The following MATR3 variants were observed in gnomAD, a reference collection of about 807,000 sequenced individuals.
The protein encoded by MATR3 is matrin-3.
A neutral mutation model predicts 85.5 loss-of-function variants in MATR3; 4 were observed. The observed-to-expected ratio is 0.05, with a 90% CI of 0.02 to 0.11. The LOEUF (loss-of-function observed/expected upper bound fraction) is 0.11. Ranked by LOEUF, MATR3 falls within the 10% of genes least tolerant of loss-of-function variation. MATR3 has a pLI of 1.00. For missense variants in MATR3, 685 were observed against 1,016.1 expected, an observed-to-expected ratio of 0.67 and a Z score of 4.43; for synonymous variants, 336 against 343.1, an observed-to-expected ratio of 0.98 and a Z score of 0.23.
At chr5:139,310,779 G>GCTTTT (rs780822126) in intron 2 of MATR3, 8 of 151,640 alleles carry the variant, frequency 5.3e-5, no homozygotes, top group Admixed American at 1.3e-4. Flanking sequence ...TCATCAAATT[G>GCTTTT]CTTTTCTTTT....
intron 3 of MATR3, among the ~76,000 whole-genome samples, chr5:139,284,338 C>G (rs766337565): frequency 6.6e-6 from 1 of 152,072 alleles, no homozygotes; most frequent in Non-Finnish European, 1.5e-5. Flanking sequence ...TTTGGCCGGG[C>G]GCGGTTGCCT....
chr5:139,291,791 G>A (rs879475176), upstream of MATR3, among the ~76,000 whole-genome samples: 7 of 152,072 alleles, frequency 4.6e-5, no homozygotes, highest in Non-Finnish European at 7.4e-5. Context: ...CACCTGCCTC[G>A]GGTTTCCAAA....
intron 1 of MATR3, among the ~76,000 whole-genome samples, chr5:139,301,920 C>G (rs1411375817): frequency 6.6e-6 from 1 of 152,172 alleles, no homozygotes; most frequent in East Asian, 1.9e-4. Flanking sequence ...TTCTCAGCAG[C>G]TGACGCCACT....
chr5:139,315,995 G>A (rs761610762), intron 4 of MATR3, 81 bp from the exon 5 acceptor site: 1 of 1,045,860 alleles, frequency 9.6e-7, no homozygotes, highest in Non-Finnish European at 1.5e-6. Flanking sequence ...GTCATATATT[G>A]GGGTGCTTTA....
chr5:139,316,247 TTTTA>T (rs1755236516), intron 5 of MATR3, 59 bp downstream of exon 5: 8 of 1,314,238 alleles, frequency 6.1e-6, no homozygotes, highest in Middle Eastern at 2.4e-4. Flanking sequence ...AAATTTTTCT[TTTTA>T]TTTATTTATT....
intron 5 of MATR3, 60 bp downstream of exon 5, chr5:139,316,248 T>C (rs1172062088): frequency 7.9e-7 from 1 of 1,262,892 alleles, no homozygotes; most frequent in African/African-American, 1.5e-5. Flanking sequence ...AATTTTTCTT[T>C]TTATTTATTT....
At chr5:139,300,612 C>T (rs1234495771) in intron 1 of MATR3, among the ~76,000 whole-genome samples, 1 of 152,142 alleles carries the variant, frequency 6.6e-6, no homozygotes, top group Non-Finnish European at 1.5e-5. Flanking sequence ...GAGATGATTA[C>T]TACGGTGCTG....
Position 139,330,115 on chromosome 5 carries a change from G to T in MATR3, c.*720G>T. ...TTTGAGATCTTACTGCTTGTCACTTGAATCCCGTGATTGTCATACATCTCT... is the reference window on the plus strand; with the variant it reads ...TTTGAGATCTTACTGCTTGTCACTTTAATCCCGTGATTGTCATACATCTCT... On this transcript the variant is annotated 3_prime_UTR_variant, in exon 15 of 15. Coordinates refer to ENST00000394805, the MANE Select transcript of MATR3 (RefSeq NM_018834.6). 1 of 454,436 alleles carries T rather than the reference G, an allele frequency of 2.2e-6. No individual in the cohort carries two copies. Among genetic ancestry groups the T allele is most frequent in the South Asian group, 1.6e-5 (1 of 64,476 alleles). 28.2% of individuals were successfully genotyped at this position (454,436 alleles called of 1,614,324 possible). A position where few individuals can be genotyped will look rare whatever the true frequency, so the allele number is the denominator to read the frequency against.
chr5:139,316,896 A>G (rs1247171415), intron 5 of MATR3, among the ~76,000 whole-genome samples, 157 bp from the exon 6 acceptor site: 1 of 152,210 alleles, frequency 6.6e-6, no homozygotes, highest in Non-Finnish European at 1.5e-5. Flanking sequence ...GGCTCATTCA[A>G]ATATTACACA....
chr5:139,294,171 T>C (rs1581214791), intron 1 of MATR3: 1 of 795,386 alleles, frequency 1.3e-6, no homozygotes, highest in Non-Finnish European at 1.7e-6. Context: ...ACTAGCCCGT[T>C]ACACGCGGGC....
intron 7 of MATR3, 53 bp downstream of exon 7, chr5:139,317,774 T>A: frequency 7.0e-7 from 1 of 1,437,472 alleles, no homozygotes; most frequent in Non-Finnish European, 9.6e-7. Context: ...TAATATATGT[T>A]CTGCAAGAAT....
chr5:139,296,108 A>G (rs1233536146), intron 1 of MATR3, among the ~76,000 whole-genome samples: 1 of 152,230 alleles, frequency 6.6e-6, no homozygotes, highest in Non-Finnish European at 1.5e-5. Flanking sequence ...TAAAATGGAA[A>G]GACTGTGCGT....
chr5:139,302,656 T>C (rs1754511455), intron 1 of MATR3, among the ~76,000 whole-genome samples: 1 of 152,236 alleles, frequency 6.6e-6, no homozygotes, highest in African/African-American at 2.4e-5. Context: ...ATGACAAAAA[T>C]CAAGCAGCTA....
At chr5:139,300,795 A>G (rs540933528) in intron 1 of MATR3, among the ~76,000 whole-genome samples, 1 of 152,270 alleles carries the variant, frequency 6.6e-6, no homozygotes, top group Non-Finnish European at 1.5e-5. Flanking sequence ...GGCACATGCC[A>G]CCACACCTGG....
chr5:139,323,658 A>G (rs1561943498), intron 12 of MATR3, among the ~76,000 whole-genome samples: 1 of 152,208 alleles, frequency 6.6e-6, no homozygotes, highest in Non-Finnish European at 1.5e-5. Context: ...CTGTAATCCC[A>G]GCACTTTGGG....
At chr5:139,304,762 T>C (rs192260950) in intron 1 of MATR3, among the ~76,000 whole-genome samples, 1 of 152,318 alleles carries the variant, frequency 6.6e-6, no homozygotes, top group African/African-American at 2.4e-5. Context: ...GAAAGGCAAT[T>C]TTATAATTAC....
At chr5:139,280,229 G>A (rs774011172) in intron 3 of MATR3, among the ~76,000 whole-genome samples, 137 of 152,286 alleles carry the variant, frequency 9.0e-4, no homozygotes, top group Non-Finnish European at 1.1e-3. Flanking sequence ...TGTCAAAATT[G>A]TTTTCAATGA....
In MATR3 at chr5:139,308,243, C is replaced by T; in HGVS notation, c.828C>T (p.Ser276=). ...FEKKRGAPPS[S]NIEDFHGLLP... ...AAAAGAGAGGCGCTCCTCCAAGTAG[C>T]AATATTGAAGACTTCCATGGACTCT... is the stretch of plus-strand genomic sequence containing the variant. Residue 276 remains serine (S), a synonymous_variant, in exon 2 of 15, where the codon AGC becomes AGT. Transcript: ENST00000394805. The T allele has an allele frequency of 1.2e-6, 2 of 1,614,112 alleles. No individual in the cohort carries two copies. Among genetic ancestry groups the T allele is most frequent in the Non-Finnish European group, 1.7e-6 (2 of 1,179,994 alleles).
chr5:139,284,068 C>T (rs917663829), intron 3 of MATR3, among the ~76,000 whole-genome samples: 8 of 152,204 alleles, frequency 5.3e-5, no homozygotes, highest in African/African-American at 1.9e-4. Flanking sequence ...ATCCCCTTTA[C>T]TCAAGAAGCC....
Sources: gnomAD v4.1 joint callset for allele counts (sites outside exome capture counted in the v4.1 genomes callset) on GRCh38, gnomAD v4.1.1 for gene constraint, MANE v1.5 for transcripts, NCBI Gene and HGNC (gene_info 2026-07-23, HGNC 2026-07-21) for gene names.